Variants in SRC observed in about 807,000 individuals in gnomAD.
The protein encoded by SRC is SRC proto-oncogene, non-receptor tyrosine kinase, also known as proto-oncogene tyrosine-protein kinase Src.
A neutral mutation model predicts 62.9 loss-of-function variants in SRC; 13 were observed. The ratio of observed to expected loss-of-function variants is 0.21; its 90% CI spans 0.13 to 0.33. The LOEUF (loss-of-function observed/expected upper bound fraction) is 0.33. Ranked by LOEUF, SRC falls within the 10% of genes least tolerant of loss-of-function variation. The pLI is 1.00. For synonymous variants in SRC, 302 were observed against 317.5 expected, an observed-to-expected ratio of 0.95 and a Z score of 0.52; for missense variants, 457 against 737.3, an observed-to-expected ratio of 0.62 and a Z score of 4.40.
Position 37,402,323 on chromosome 20 carries a change from A to C in SRC, c.1117-112A>C. On this transcript the variant is annotated intron_variant, in intron 11 of 13. Coordinates refer to ENST00000373578, the MANE Select transcript of SRC (RefSeq NM_198291.3). The surrounding 1 kb of genome is among the most constrained non-coding windows in gnomAD (Gnocchi z 6.2). ...GTGAACTGACCTCACTTGCCTGAAG[A>C]AGTGTGGGGAGGGTGGGGAAGGGGT... The C allele has an allele frequency of 7.5e-7, 1 of 1,336,840 alleles. No homozygotes were observed. The highest frequency in any genetic ancestry group is 1.4e-5 in the South Asian group (1 of 72,574). 82.8% of individuals were successfully genotyped at this position (1,336,840 alleles called of 1,614,324 possible).
At chr20:37,392,608 G>T (rs560460208) in intron 5 of SRC, among the ~76,000 whole-genome samples, 126 of 152,304 alleles carry the variant, frequency 8.3e-4, no homozygotes, top group African/African-American at 2.9e-3. Context: ...CCTGCAGGGG[G>T]TGCTCCTATC....
In SRC at chr20:37,370,982, TTCTTCTTC is replaced by T. The variant is rs1468163385; in HGVS notation, c.-173+5707_-173+5714del. On this transcript the variant is annotated intron_variant, in intron 2 of 13. Coordinates refer to ENST00000373578, the MANE Select transcript of SRC (RefSeq NM_198291.3). Reference sequence around the variant, plus strand: ...TTTCTATTTCTTCTTCTTCTTCTTCTTCTTCTTCTTTTTTTTTTTTTTTGAGACGGAGT... The same window carrying T: ...TTTCTATTTCTTCTTCTTCTTCTTCTTTTTTTTTTTTTTTTGAGACGGAGT... Among the ~76,000 whole-genome samples the T allele has an allele frequency of 1.9e-3, 263 of 138,464 alleles. 1 individual carries two copies. Among genetic ancestry groups the T allele is most frequent in the African/African-American group, 7.7e-3 (247 of 32,222 alleles). 90.8% of individuals were successfully genotyped at this position (138,464 alleles called of 152,430 possible). A position where few individuals can be genotyped will look rare whatever the true frequency, so the allele number is the denominator to read the frequency against.
chr20:37,389,938 G>A (rs548614831), intron 5 of SRC, among the ~76,000 whole-genome samples: 23 of 152,260 alleles, frequency 1.5e-4, no homozygotes, highest in Middle Eastern at 3.4e-3. Flanking sequence ...GCTGGATGCC[G>A]TAGAATTCCT....
intron 1 of SRC, among the ~76,000 whole-genome samples, chr20:37,350,863 A>G (rs887735157): frequency 2.6e-5 from 4 of 152,010 alleles, no homozygotes; most frequent in Non-Finnish European, 1.5e-5. Flanking sequence ...CATGTCTGCC[A>G]TGGGCACAGG....
intron 2 of SRC, among the ~76,000 whole-genome samples, chr20:37,373,296 TACACATGC>T: frequency 6.6e-6 from 1 of 151,574 alleles, no homozygotes; most frequent in Middle Eastern, 3.4e-3. Context: ...ATTACATATG[TACACATGC>T]ACACATTACA....
chr20:37,346,389 C>T (rs957639377), intron 1 of SRC, 134 bp downstream of exon 1: 7 of 150,902 alleles, frequency 4.6e-5, no homozygotes, highest in East Asian at 2.0e-4. Context: ...ACCCCCCCTC[C>T]GGGCCAAGCC....
At position 37,404,221 on chromosome 20, in the gene SRC, G is replaced by A. The variant is rs963062501; in HGVS notation, c.*842G>A. ...AAACAAGGGGTCTGAGGATGCATTC[G>A]AGATGGCAGATTCCCACTGCCGCTG... is the stretch of plus-strand genomic sequence containing the variant. On this transcript the variant is annotated 3_prime_UTR_variant, in exon 14 of 14. Transcript: ENST00000373578. 3 of 233,544 alleles carry A rather than the reference G, an allele frequency of 1.3e-5. No individual in the cohort carries two copies. Among genetic ancestry groups the A allele is most frequent in the African/African-American group, 4.4e-5 (2 of 45,328 alleles). 14.5% of individuals were successfully genotyped at this position (233,544 alleles called of 1,614,324 possible).
rs759914792 is a variant in SRC at position 37,396,309 on chromosome 20, C to G, written c.701C>G (p.Ser234Cys). Residue 234 changes from serine to cysteine, a missense_variant and splice_region_variant, in exon 8 of 14, where the codon TCC becomes TGC. This residue lies in a region of SRC where 141 missense variants were observed against 198.4 expected (regional missense o/e 0.71). Coordinates refer to ENST00000373578, the MANE Select transcript of SRC (RefSeq NM_198291.3). The surrounding 1 kb of genome is among the most constrained non-coding windows in gnomAD (Gnocchi z 6.1). Reference sequence around the variant, plus strand: ...CTGCAGCAGCTGGTGGCCTACTACTCCAGTGAGCCAGCCTCGGAGGGCGGA... The same window carrying G: ...CTGCAGCAGCTGGTGGCCTACTACTGCAGTGAGCCAGCCTCGGAGGGCGGA... ...NSLQQLVAYY[S>C]KHADGLCHRL... 14 of 1,613,354 alleles carry G rather than the reference C, an allele frequency of 8.7e-6. No homozygotes were observed. Among genetic ancestry groups the G allele is most frequent in the Admixed American group, 1.7e-5 (1 of 60,022 alleles).
intron 2 of SRC, among the ~76,000 whole-genome samples, chr20:37,380,874 T>A (rs1445328348): frequency 5.9e-5 from 9 of 152,110 alleles, no homozygotes; most frequent in African/African-American, 1.7e-4. Context: ...TCTTTTTTTT[T>A]AATCTTCTTG....
Position 37,402,491 on chromosome 20 carries a change from T to C in SRC, c.1173T>C (p.Arg391=). The C allele has an allele frequency of 6.2e-7, 1 of 1,613,900 alleles. No homozygotes were observed. Among genetic ancestry groups the C allele is most frequent in the South Asian group, 1.1e-5 (1 of 91,040 alleles). ...ERMNYVHRDL[R]AANILVGENL... ...TGAACTACGTCCACCGGGACCTTCG[T>C]GCAGCCAACATCCTGGTGGGAGAGA... Residue 391 remains arginine (R), a synonymous_variant, in exon 12 of 14, where the codon CGT becomes CGC. Coordinates refer to ENST00000373578, the MANE Select transcript of SRC (RefSeq NM_198291.3). This position sits in a 1 kb window ranked among gnomAD's most constrained non-coding sequence, Gnocchi z 6.2.
In SRC at chr20:37,404,388, G is replaced by A. The variant is rs142141374; in HGVS notation, c.*1009G>A. On this transcript the variant is annotated 3_prime_UTR_variant, in exon 14 of 14. Transcript: ENST00000373578. ...TTGACCTTCAGAGCCAGCCGGCTAT[G>A]AAAGGGAGCGAGCCCCTCGGCTCTG... 44 of 233,604 alleles carry A rather than the reference G, an allele frequency of 1.9e-4. No individual in the cohort carries two copies. In the East Asian group the frequency reaches 2.5e-3, roughly 13 times the overall value. The allele number at this position is 233,604 out of a possible 1,614,324, so 14.5% of individuals were successfully genotyped here. A position where few individuals can be genotyped will look rare whatever the true frequency, so the allele number is the denominator to read the frequency against.
At chr20:37,383,907 T>C (rs2070402793) in intron 3 of SRC, among the ~76,000 whole-genome samples, 1 of 151,592 alleles carries the variant, frequency 6.6e-6, no homozygotes, top group African/African-American at 2.4e-5. Flanking sequence ...AATTTTTTTT[T>C]TTTTTTCAAG....
At chr20:37,387,035 G>A (rs1462496141) in intron 5 of SRC, among the ~76,000 whole-genome samples, 1 of 152,266 alleles carries the variant, frequency 6.6e-6, no homozygotes, top group East Asian at 1.9e-4. Context: ...GGCAGCTTGC[G>A]GGAGGGTGCC....
intron 2 of SRC, among the ~76,000 whole-genome samples, chr20:37,373,979 T>C (rs1039875724): frequency 6.6e-6 from 1 of 152,124 alleles, no homozygotes; most frequent in African/African-American, 2.4e-5. Flanking sequence ...CTTATTCATA[T>C]GTTTTTACTT....
intron 2 of SRC, among the ~76,000 whole-genome samples, chr20:37,367,095 ATT>A (rs770197409): frequency 0.061 from 7,630 of 125,246 alleles, 411 homozygotes; most frequent in East Asian, 0.18. Flanking sequence ...TGTGGTTTTG[ATT>A]TTTTTTTTTT....
In SRC at chr20:37,357,242, A is replaced by G. The variant is rs1287481800; in HGVS notation, c.-246-7962A>G. Among the ~76,000 whole-genome samples, 3 of 152,200 alleles carry G rather than the reference A, an allele frequency of 2.0e-5. No homozygotes were observed. In the East Asian group the frequency reaches 5.8e-4, roughly 29 times the overall value. ...CCCTGGGGAGAAGGAGCTTCCTCAG[A>G]CACAGAGGGTGGGAAACGAAAGTCG... is the stretch of plus-strand genomic sequence containing the variant. On this transcript the variant is annotated intron_variant, in intron 1 of 13. Transcript: ENST00000373578.
rs190180369 is a variant in SRC, at chr20:37,392,070, T to C, written c.351-1825T>C. Among the ~76,000 whole-genome samples, 227 of 151,778 alleles carry C rather than the reference T, an allele frequency of 1.5e-3. 1 individual carries two copies. Among genetic ancestry groups the C allele is most frequent in the Non-Finnish European group, 2.9e-3 (198 of 67,892 alleles). ...AGGAGGTGGGTGGGGATTTGGGGCA[T>C]CCAAAGGCTTCTTTTCTTGAGGTGG... On this transcript the variant is annotated intron_variant, in intron 5 of 13. Transcript: ENST00000373578.
In SRC at chr20:37,389,084, G is replaced by A. The variant is rs192405548; in HGVS notation, c.350+2910G>A. Among the ~76,000 whole-genome samples, 287 of 152,236 alleles carry A rather than the reference G, an allele frequency of 1.9e-3. 1 individual carries two copies. Among genetic ancestry groups the A allele is most frequent in the Middle Eastern group, 3.4e-3 (1 of 294 alleles). On this transcript the variant is annotated intron_variant, in intron 5 of 13. Transcript: ENST00000373578. The stretch of plus-strand genomic sequence containing the variant: ...TCTGTGGATGGGGTCTGGCCAAGTG[G>A]GGGTCCTCGCAGTAGCAGACCCAGA...
At chr20:37,345,622 C>A (rs1481631418), upstream of SRC, among the ~76,000 whole-genome samples, 1 of 152,238 alleles carries the variant, frequency 6.6e-6, no homozygotes, top group Non-Finnish European at 1.5e-5. Context: ...TGGTTCTTGT[C>A]AGTGCCTCAG....
Sources: allele counts gnomAD v4.1 joint callset (sites outside exome capture counted in the v4.1 genomes callset), GRCh38; gene constraint gnomAD v4.1.1; regional missense constraint gnomAD v4.1.1; non-coding constraint Gnocchi (gnomAD v3.1); transcripts MANE v1.5; gene names NCBI Gene and HGNC (gene_info 2026-07-23, HGNC 2026-07-21).